IL17RB: variants seen among roughly 807,000 people sequenced by gnomAD.
The protein encoded by IL17RB is interleukin-17 receptor B.
Under a neutral mutation model 43.9 loss-of-function variants are expected in IL17RB, and 36 were observed. The observed-to-expected ratio is 0.82, with a 90% confidence interval of 0.63 to 1.08. The LOEUF (loss-of-function observed/expected upper bound fraction) is 1.08, where lower values mean the gene tolerates loss of function less well. Among genes scored for constraint, IL17RB ranks in the 50% least tolerant of loss-of-function variants. IL17RB has a pLI of 0.00. For missense variants in IL17RB, 613 were observed against 613.6 expected, an observed-to-expected ratio of 1.00 and a Z score of 0.01; for synonymous variants, 225 against 225.4, an observed-to-expected ratio of 1.00 and a Z score of 0.02.
chr3:53,854,099 G>A (rs1699250843), intron 5 of IL17RB, among the ~76,000 whole-genome samples: 1 of 152,018 alleles, frequency 6.6e-6, no homozygotes, highest in Non-Finnish European at 1.5e-5. Context: ...GTTTCACTAT[G>A]ATGGCTAGGC....
intron 5 of IL17RB, among the ~76,000 whole-genome samples, chr3:53,853,518 G>T (rs1446881132): frequency 6.6e-6 from 1 of 152,244 alleles, no homozygotes; most frequent in African/African-American, 2.4e-5. Context: ...TCCCCAAGCT[G>T]TCCATGAGAG....
At chr3:53,850,872 A>G (rs556995261) in intron 3 of IL17RB, among the ~76,000 whole-genome samples, 5 of 152,170 alleles carry the variant, frequency 3.3e-5, no homozygotes, top group African/African-American at 9.7e-5. Flanking sequence ...AACTGTAAGG[A>G]AGTATGAGGA....
In IL17RB at chr3:53,857,476, G is replaced by A. The variant is rs182500256; in HGVS notation, c.673-140G>A. On this transcript the variant is annotated intron_variant, in intron 7 of 10. Coordinates refer to ENST00000288167, the MANE Select transcript of IL17RB (RefSeq NM_018725.4). ...TAATTTTTTCATCTTTAGTAGAGACGGTTTCGCCATGTTGCCCAGGCTGGT... is the reference window on the plus strand; with the variant it reads ...TAATTTTTTCATCTTTAGTAGAGACAGTTTCGCCATGTTGCCCAGGCTGGT... 3.9e-5 allele frequency: 28 copies of A among 713,572 alleles called. 1 individual carries two copies. The highest frequency in any genetic ancestry group is 2.7e-4 in the South Asian group (17 of 63,850). 44.2% of individuals were successfully genotyped at this position (713,572 alleles called of 1,614,324 possible).
intron 10 of IL17RB, among the ~76,000 whole-genome samples, chr3:53,863,212 A>G (rs1699630074): frequency 6.6e-6 from 1 of 152,222 alleles, no homozygotes; most frequent in African/African-American, 2.4e-5. Flanking sequence ...GTAGGCTATT[A>G]GAAGTTAAGT....
intron 4 of IL17RB, 114 bp downstream of exon 4, chr3:53,852,240 C>T (rs1208866668): frequency 1.0e-6 from 1 of 959,890 alleles, no homozygotes; most frequent in South Asian, 1.5e-5. Context: ...CTTCTGGGCT[C>T]AAGCGATCGT....
chr3:53,857,144 A>T (rs1699366922), intron 7 of IL17RB, among the ~76,000 whole-genome samples, 158 bp downstream of exon 7: 1 of 152,214 alleles, frequency 6.6e-6, no homozygotes, highest in Non-Finnish European at 1.5e-5. Context: ...GTCACTGTGA[A>T]CCTCAAACCA....
At chr3:53,851,320 A>C (rs1464137920) in intron 3 of IL17RB, among the ~76,000 whole-genome samples, 2 of 152,154 alleles carry the variant, frequency 1.3e-5, no homozygotes, top group Non-Finnish European at 2.9e-5. Flanking sequence ...CACAGGCACA[A>C]TGTCAGGGGA....
In IL17RB at chr3:53,849,783, C is replaced by T. The variant is rs1322950767; in HGVS notation, c.214C>T (p.Leu72Phe). 1 of 1,599,846 alleles carries T rather than the reference C, an allele frequency of 6.3e-7. No homozygotes were observed. Among genetic ancestry groups the T allele is most frequent in the African/African-American group, 1.3e-5 (1 of 74,484 alleles). Reference sequence around the variant, plus strand: ...AATTTTGATGAATGTAAGCTGGGTACTCCGGGCAGATGGTAAGTTTGCATC... The same window carrying T: ...AATTTTGATGAATGTAAGCTGGGTATTCCGGGCAGATGGTAAGTTTGCATC... Reference protein sequence around the residue: ...YSILMNVSWVLRADASIRLLK... With the variant: ...YSILMNVSWVFRADASIRLLK... Residue 72 changes from leucine to phenylalanine, a missense_variant, in exon 3 of 11, where the codon CTC becomes TTC. Leu to Phe is a conservative substitution (Grantham distance 22). Coordinates refer to ENST00000288167, the MANE Select transcript of IL17RB (RefSeq NM_018725.4).
chr3:53,858,045 G>T (rs1197238260), intron 8 of IL17RB: 2 of 272,180 alleles, frequency 7.3e-6, no homozygotes, highest in Non-Finnish European at 1.5e-5. Flanking sequence ...TGAGTTCCAG[G>T]CAGCGTATGA....
chr3:53,846,782 C>A, intron 1 of IL17RB, 134 bp downstream of exon 1: 1 of 887,996 alleles, frequency 1.1e-6, no homozygotes, highest in Non-Finnish European at 1.6e-6. Context: ...CCTGCACCCT[C>A]AGGGCAGCCC....
chr3:53,863,605 C>T lies in IL17RB; in HGVS notation c.947-1141C>T, dbSNP rs547283281. 6.6e-5 allele frequency among the ~76,000 whole-genome samples: 10 copies of T among 152,224 alleles called. No homozygotes were observed. The East Asian group carries it at 1.5e-3, about 24-fold the overall frequency. ...GTTTCAAACATGGTTTGTTTTACAG[C>T]ACCGTATAGGGCAGAATTCCAGGTT... is the stretch of plus-strand genomic sequence containing the variant. On this transcript the variant is annotated intron_variant, in intron 10 of 10. Transcript: ENST00000288167.
At chr3:53,859,217 T>A (rs1398956177) in intron 9 of IL17RB, 1 of 158,170 alleles carries the variant, frequency 6.3e-6, no homozygotes, top group Admixed American at 6.5e-5. Flanking sequence ...GCTTTTGGTG[T>A]GGTCACATGG....
At chr3:53,862,264 G>A (rs1699589126) in intron 10 of IL17RB, among the ~76,000 whole-genome samples, 2 of 152,206 alleles carry the variant, frequency 1.3e-5, no homozygotes, top group South Asian at 4.2e-4. Flanking sequence ...CTCTAGATTG[G>A]GAGGCCATAA....
rs28741394 is a variant in IL17RB, at chr3:53,854,057, C to T, written c.481+1060C>T. ...GATTACAGTCATGAGCCACCACACC[C>T]AGCTAATTTTTGTATTTTTAGTAGA... On this transcript the variant is annotated intron_variant, in intron 5 of 10. Coordinates refer to ENST00000288167, the MANE Select transcript of IL17RB (RefSeq NM_018725.4). Among the ~76,000 whole-genome samples, 809 of 152,154 alleles carry T rather than the reference C, an allele frequency of 5.3e-3. 7 individuals are homozygous for T. Among genetic ancestry groups the T allele is most frequent in the African/African-American group, 0.019 (775 of 41,524 alleles).
intron 2 of IL17RB, among the ~76,000 whole-genome samples, chr3:53,849,374 C>T (rs1699049379): frequency 1.3e-5 from 2 of 152,082 alleles, no homozygotes; most frequent in Admixed American, 1.3e-4. Flanking sequence ...TTGGCCTTAG[C>T]AGGAAGAACT....
Position 53,865,439 on chromosome 3 carries a change from T to C in IL17RB, c.*131T>C, listed in dbSNP as rs1453260560. On this transcript the variant is annotated 3_prime_UTR_variant, in exon 11 of 11. Transcript: ENST00000288167. The stretch of plus-strand genomic sequence containing the variant: ...TAGTAATTAAAACATTTTATACCAA[T>C]AAAATTTTCAAATATTGCTAACTAA... 2 of 662,164 alleles carry C rather than the reference T, an allele frequency of 3.0e-6. No homozygotes were observed. Among genetic ancestry groups the C allele is most frequent in the Non-Finnish European group, 4.8e-6 (2 of 418,084 alleles). 41.0% of individuals were successfully genotyped at this position (662,164 alleles called of 1,614,324 possible).
At chr3:53,864,702 C>T (rs747212721) in intron 10 of IL17RB, 44 bp from the exon 11 acceptor site, 7 of 1,382,318 alleles carry the variant, frequency 5.1e-6, no homozygotes, top group Non-Finnish European at 7.0e-6. Flanking sequence ...TGAAAGCCTG[C>T]TGTTTGCTGT....
At position 53,864,972 on chromosome 3, in the gene IL17RB, A is replaced by G; in HGVS notation, c.1173A>G (p.Lys391=). The G allele has an allele frequency of 6.2e-7, 1 of 1,614,188 alleles. No homozygotes were observed. The highest frequency in any genetic ancestry group is 1.7e-5 in the Admixed American group (1 of 60,026). ...WLATQKKAAD[K]VVFLLSNDVN... ...CCACTCAAAAGAAGGCAGCAGACAAAGTCGTCTTCCTTCTTTCCAATGACG... is the reference window on the plus strand; with the variant it reads ...CCACTCAAAAGAAGGCAGCAGACAAGGTCGTCTTCCTTCTTTCCAATGACG... Residue 391 remains lysine, a synonymous_variant, in exon 11 of 11, where the codon AAA becomes AAG. Transcript: ENST00000288167.
At chr3:53,857,186 G>C (rs903398591) in intron 7 of IL17RB, among the ~76,000 whole-genome samples, 200 bp downstream of exon 7, 1 of 152,226 alleles carries the variant, frequency 6.6e-6, no homozygotes, top group African/African-American at 2.4e-5. Flanking sequence ...AGCAGGAAAT[G>C]AGCCCTTCTT....
Sources: allele counts gnomAD v4.1 joint callset (sites outside exome capture counted in the v4.1 genomes callset), GRCh38; gene constraint gnomAD v4.1.1; transcripts MANE v1.5; gene names NCBI Gene and HGNC (gene_info 2026-07-23, HGNC 2026-07-21).